Variants in PHLPP1 observed in about 807,000 individuals in gnomAD.
The protein encoded by PHLPP1 is PH domain and leucine rich repeat protein phosphatase 1.
In PHLPP1, 42 loss-of-function variants were observed where a neutral mutation model predicts 117.2. The observed-to-expected ratio is 0.36, with a 90% CI of 0.28 to 0.46. The LOEUF is 0.46. Among genes scored for constraint, PHLPP1 ranks in the 20% least tolerant of loss-of-function variants. PHLPP1 has a pLI of 1.00. For synonymous variants in PHLPP1, 1,042 were observed against 970.7 expected (o/e 1.07, Z -1.37); for missense variants, 2,084 against 2,241.9 (o/e 0.93, Z 1.42).
intron 1 of PHLPP1, among the ~76,000 whole-genome samples, chr18:62,776,377 T>A (rs566107204): frequency 6.6e-6 from 1 of 152,308 alleles, no homozygotes; most frequent in Non-Finnish European, 1.5e-5. Context: ...CGTCGACTGA[T>A]TAGATTAGGC....
intron 3 of PHLPP1, among the ~76,000 whole-genome samples, chr18:62,846,630 G>T (rs1915189932): frequency 6.6e-6 from 1 of 151,598 alleles, no homozygotes. Context: ...AAATATGACT[G>T]TAAGTTACCC....
At position 62,978,713 on chromosome 18, in the gene PHLPP1, G is replaced by A; in HGVS notation, c.4436G>A (p.Ser1479Asn). Residue 1479 changes from serine (S) to asparagine (N), a missense_variant, in exon 17 of 17, where the codon AGT becomes AAT. By Grantham distance (46) the Ser-to-Asn change is conservative (BLOSUM62 1). Coordinates refer to ENST00000262719, the MANE Select transcript of PHLPP1 (RefSeq NM_194449.4). The surrounding 1 kb of genome is among the most constrained non-coding windows in gnomAD (Gnocchi z 7.0). The part of the protein sequence containing the change: ...SSSGMASEIS[S>N]ELSTSEMSSE... Reference sequence around the variant, plus strand: ...AGCGGCATGGCTTCCGAGATTAGCAGTGAGCTCTCCACTTCTGAGATGAGC... The same window carrying A: ...AGCGGCATGGCTTCCGAGATTAGCAATGAGCTCTCCACTTCTGAGATGAGC... 1 of 1,613,840 alleles carries A rather than the reference G, an allele frequency of 6.2e-7. No homozygotes were observed. The highest frequency in any genetic ancestry group is 8.5e-7 in the Non-Finnish European group (1 of 1,179,868).
At chr18:62,921,804 C>CTTCT (rs1555682012) in intron 10 of PHLPP1, among the ~76,000 whole-genome samples, 2 of 152,120 alleles carry the variant, frequency 1.3e-5, no homozygotes, top group African/African-American at 4.8e-5. Context: ...ACTTTTAAGC[C>CTTCT]TACTGCTCAA....
intron 3 of PHLPP1, among the ~76,000 whole-genome samples, chr18:62,849,662 A>G (rs1915273868): frequency 6.7e-6 from 1 of 149,116 alleles, no homozygotes; most frequent in African/African-American, 2.5e-5. Flanking sequence ...AAAAAAAAAA[A>G]AAAAAAATCT....
rs56788607 is a variant in PHLPP1, at chr18:62,727,997, A to AT, written c.1576+10744dup. On this transcript the variant is annotated intron_variant, in intron 1 of 16. Transcript: ENST00000262719. ...TTTCACCCTTTACGTATTAGAGATA[A>AT]TTTTTTAGGCCAGGTGCGGTGGCTC... 3.9e-5 allele frequency among the ~76,000 whole-genome samples: 6 copies of AT among 152,068 alleles called. No homozygotes were observed. In the East Asian group the frequency reaches 1.2e-3, roughly 29 times the overall value.
intron 12 of PHLPP1, among the ~76,000 whole-genome samples, chr18:62,953,542 C>G (rs997080035): frequency 2.0e-5 from 3 of 152,218 alleles, no homozygotes; most frequent in African/African-American, 7.2e-5. Context: ...TATCGTTGAT[C>G]ATACCAGCTA....
At chr18:62,960,600 T>C (rs1168321356) in intron 13 of PHLPP1, among the ~76,000 whole-genome samples, 5 of 152,188 alleles carry the variant, frequency 3.3e-5, no homozygotes, top group Admixed American at 2.0e-4. Flanking sequence ...ATTTAACAGA[T>C]GCAGTACAAA....
intron 14 of PHLPP1, among the ~76,000 whole-genome samples, chr18:62,970,389 T>G (rs1911017907): frequency 6.6e-6 from 1 of 152,224 alleles, no homozygotes; most frequent in Admixed American, 6.5e-5. Flanking sequence ...AGCCAGATAA[T>G]TCTTTGTTGT....
At chr18:62,965,877 T>C (rs1910887864) in intron 14 of PHLPP1, among the ~76,000 whole-genome samples, 1 of 151,616 alleles carries the variant, frequency 6.6e-6, no homozygotes, top group African/African-American at 2.4e-5. Flanking sequence ...TACGTTACTG[T>C]ATTTTTTTTT....
rs186804228 is a variant in PHLPP1, at chr18:62,756,356, T to C, written c.1576+39097T>C. Among the ~76,000 whole-genome samples the C allele has an allele frequency of 2.4e-4, 37 of 152,326 alleles. No individual in the cohort carries two copies. The South Asian group carries it at 6.6e-3, about 27-fold the overall frequency. ...GGAGCTAGGAAGGATAGTCCTGCCA[T>C]GTGCCCAGAAGGAGAGGAGGCCCAC... On this transcript the variant is annotated intron_variant, in intron 1 of 16. Coordinates refer to ENST00000262719, the MANE Select transcript of PHLPP1 (RefSeq NM_194449.4).
At chr18:62,734,740 C>T (rs1911323502) in intron 1 of PHLPP1, among the ~76,000 whole-genome samples, 1 of 152,174 alleles carries the variant, frequency 6.6e-6, no homozygotes, top group South Asian at 2.1e-4. Context: ...TTTCCACCAT[C>T]TATTATTAAA....
chr18:62,801,756 T>G (rs1443790055), intron 1 of PHLPP1, among the ~76,000 whole-genome samples: 1 of 152,124 alleles, frequency 6.6e-6, no homozygotes, highest in African/African-American at 2.4e-5. Context: ...CTGGCCTCTG[T>G]TTGTTTTTAT....
chr18:62,766,076 A>AAAAAAAT, intron 1 of PHLPP1, among the ~76,000 whole-genome samples: 11 of 21,656 alleles, frequency 5.1e-4, no homozygotes, highest in Admixed American at 7.9e-4. Flanking sequence ...AAAAAAAAAA[A>AAAAAAAT]ATATATATAT....
At chr18:62,885,901 A>G (rs1916276037) in intron 4 of PHLPP1, among the ~76,000 whole-genome samples, 1 of 152,180 alleles carries the variant, frequency 6.6e-6, no homozygotes, top group African/African-American at 2.4e-5. Flanking sequence ...TGTTGTCTAG[A>G]TTACAGGGGA....
In PHLPP1 at chr18:62,893,655, G is replaced by A. The variant is rs375706364; in HGVS notation, c.2067-1356G>A. 6.3e-4 allele frequency among the ~76,000 whole-genome samples: 96 copies of A among 152,266 alleles called. 4 individuals are homozygous for A. The South Asian group carries it at 0.02, about 31-fold the overall frequency. ...TTTTAGAGTGTGTGTGTCTCTTCTA[G>A]GCAGAGTGCATACTGTCTAGGATTA... On this transcript the variant is annotated intron_variant, in intron 4 of 16. Transcript: ENST00000262719.
intron 1 of PHLPP1, among the ~76,000 whole-genome samples, chr18:62,742,609 T>C (rs1367756073): frequency 6.6e-6 from 1 of 152,322 alleles, no homozygotes; most frequent in African/African-American, 2.4e-5. Flanking sequence ...CTAATTTTTG[T>C]ATTTTCAGTA....
chr18:62,849,797 C>CAAAAAAAAAAA lies in PHLPP1; in HGVS notation c.1900-10612_1900-10602dup, dbSNP rs1159265423. Among the ~76,000 whole-genome samples the CAAAAAAAAAAA allele has an allele frequency of 2.7e-4, 2 of 7,400 alleles. 1 individual carries two copies. The allele number at this position is 7,400 out of a possible 152,430, so 4.9% of individuals were successfully genotyped here. A position where few individuals can be genotyped will look rare whatever the true frequency, so the allele number is the denominator to read the frequency against. ...GCAACATAGCAAGGCCCTGTCTCTA[C>CAAAAAAAAAAA]AAAAAAAAAAAAAAAAAAAAAAAAA... On this transcript the variant is annotated intron_variant, in intron 3 of 16. Transcript: ENST00000262719.
chr18:62,781,495 G>A (rs1385033368), intron 1 of PHLPP1, among the ~76,000 whole-genome samples: 1 of 152,126 alleles, frequency 6.6e-6, no homozygotes, highest in Non-Finnish European at 1.5e-5. Flanking sequence ...CTCCACATCA[G>A]GCCTTTCCTG....
At chr18:62,738,059 A>G (rs1214951273) in intron 1 of PHLPP1, among the ~76,000 whole-genome samples, 1 of 152,132 alleles carries the variant, frequency 6.6e-6, no homozygotes, top group African/African-American at 2.4e-5. Flanking sequence ...AACATTAGAT[A>G]TACAGTAGGC....
Sources: allele counts gnomAD v4.1 joint callset (sites outside exome capture counted in the v4.1 genomes callset), GRCh38; gene constraint gnomAD v4.1.1; non-coding constraint Gnocchi (gnomAD v3.1); transcripts MANE v1.5; gene names NCBI Gene and HGNC (gene_info 2026-07-23, HGNC 2026-07-21).